FSTL5: variants seen among roughly 807,000 people sequenced by gnomAD.
FSTL5 encodes the protein follistatin-related protein 5.
In FSTL5, 62 loss-of-function variants were observed where a neutral mutation model predicts 89.1. That is an observed-to-expected ratio of 0.70 (90% confidence interval 0.57 to 0.86). FSTL5 has a LOEUF of 0.86. FSTL5 is among the 40% of genes least tolerant of loss of function. FSTL5 has a pLI of 0.00. For missense variants in FSTL5, 1,057 were observed against 1,001.6 expected (o/e 1.06, Z -0.75); for synonymous variants, 383 against 346.2 (o/e 1.11, Z -1.18).
At chr4:161,391,420 A>G (rs1166611443) in intron 15 of FSTL5, among the ~76,000 whole-genome samples, 1 of 152,212 alleles carries the variant, frequency 6.6e-6, no homozygotes, top group East Asian at 1.9e-4. Context: ...CCCTACACAT[A>G]ATTAATAAGT....
At chr4:161,509,065 G>A (rs1438945419) in intron 11 of FSTL5, among the ~76,000 whole-genome samples, 2 of 152,188 alleles carry the variant, frequency 1.3e-5, no homozygotes, top group African/African-American at 2.4e-5. Flanking sequence ...TACTTTGGGA[G>A]GCTGAGGCGG....
intron 4 of FSTL5, among the ~76,000 whole-genome samples, chr4:161,861,700 T>C (rs1289144057): frequency 1.3e-5 from 2 of 152,180 alleles, no homozygotes; most frequent in Non-Finnish European, 2.9e-5. Flanking sequence ...AAGAATTTAC[T>C]GGGCAGGATT....
intron 2 of FSTL5, among the ~76,000 whole-genome samples, chr4:162,049,259 T>C (rs1185933379): frequency 1.3e-5 from 2 of 152,186 alleles, no homozygotes; most frequent in Non-Finnish European, 2.9e-5. Flanking sequence ...ACTCAACATC[T>C]AACTCTAAAG....
chr4:161,749,528 T>C (rs189972098), intron 6 of FSTL5, among the ~76,000 whole-genome samples: 49 of 152,254 alleles, frequency 3.2e-4, no homozygotes, highest in African/African-American at 1.1e-3. Flanking sequence ...CCCGGCGCGG[T>C]GGCTCACGCC....
chr4:161,621,297 CACACACACAA>C, intron 7 of FSTL5, among the ~76,000 whole-genome samples: 1 of 137,706 alleles, frequency 7.3e-6, no homozygotes. Context: ...CACACACACA[CACACACACAA>C]ACACAAAATT....
chr4:162,093,607 T>G (rs1730637532), intron 2 of FSTL5, among the ~76,000 whole-genome samples: 1 of 152,164 alleles, frequency 6.6e-6, no homozygotes, highest in Admixed American at 6.5e-5. Context: ...TTATATAAAA[T>G]AATTAGATGT....
intron 15 of FSTL5, among the ~76,000 whole-genome samples, chr4:161,430,741 A>C (rs958649303): frequency 1.3e-5 from 2 of 152,170 alleles, no homozygotes; most frequent in African/African-American, 4.8e-5. Flanking sequence ...CTCCGTCAGA[A>C]AACAAAAACA....
At chr4:161,607,978 CTTAGGTTATCAAGTA>C (rs1472609387) in intron 7 of FSTL5, among the ~76,000 whole-genome samples, 1 of 152,000 alleles carries the variant, frequency 6.6e-6, no homozygotes, top group Non-Finnish European at 1.5e-5. Context: ...AATGCAAGTA[CTTAGGTTATCAAGTA>C]TTTGAAAATA....
chr4:161,862,761 T>A (rs1033373149), intron 4 of FSTL5, among the ~76,000 whole-genome samples: 3 of 151,916 alleles, frequency 2.0e-5, no homozygotes, highest in Non-Finnish European at 4.4e-5. Context: ...GAGAAAGAAA[T>A]GATAAAGAAC....
intron 8 of FSTL5, among the ~76,000 whole-genome samples, chr4:161,562,648 T>C (rs1398140279): frequency 1.3e-5 from 2 of 151,898 alleles, no homozygotes; most frequent in African/African-American, 4.8e-5. Context: ...ATTGCTAGTG[T>C]ATGCAGATCT....
chr4:161,571,065 C>T (rs1004222402), intron 8 of FSTL5, among the ~76,000 whole-genome samples: 4 of 151,602 alleles, frequency 2.6e-5, no homozygotes, highest in Non-Finnish European at 4.4e-5. Context: ...GCCAAGATCA[C>T]GCCACTGCAT....
chr4:161,533,693 A>T (rs1395003474), intron 10 of FSTL5, among the ~76,000 whole-genome samples: 1 of 152,110 alleles, frequency 6.6e-6, no homozygotes, highest in African/African-American at 2.4e-5. Flanking sequence ...AAAAAAATTG[A>T]GGAGGAGGGC....
intron 6 of FSTL5, among the ~76,000 whole-genome samples, chr4:161,686,777 T>A (rs1238862401): frequency 6.6e-6 from 1 of 152,168 alleles, no homozygotes; most frequent in Non-Finnish European, 1.5e-5. Context: ...GATTTTGTTC[T>A]AAATTGTAAC....
chr4:161,431,554 G>T (rs896575781), intron 15 of FSTL5, among the ~76,000 whole-genome samples: 8 of 151,118 alleles, frequency 5.3e-5, no homozygotes, highest in African/African-American at 1.7e-4. Flanking sequence ...AAAGAAGAAA[G>T]AGAAGACCAC....
intron 4 of FSTL5, 47 bp from the exon 5 acceptor site, chr4:161,776,121 AAT>A: frequency 1.0e-6 from 1 of 956,942 alleles, no homozygotes. Context: ...ATTGAAAAGA[AAT>A]AGTTTATTTA....
At chr4:161,510,876 G>C (rs61693541) in intron 10 of FSTL5, among the ~76,000 whole-genome samples, 22,758 of 151,768 alleles carry the variant, frequency 0.15, 2,180 homozygotes, top group East Asian at 0.37. Flanking sequence ...TGAACAAGAA[G>C]AGTTCTTGTA....
At chr4:161,574,983 A>G (rs1733160956) in intron 8 of FSTL5, among the ~76,000 whole-genome samples, 2 of 152,048 alleles carry the variant, frequency 1.3e-5, no homozygotes, top group African/African-American at 4.8e-5. Context: ...AAGCATTTCT[A>G]TTTCTCCACA....
chr4:161,649,754 T>C (rs1443911638), intron 7 of FSTL5, among the ~76,000 whole-genome samples: 1 of 152,228 alleles, frequency 6.6e-6, no homozygotes, highest in Non-Finnish European at 1.5e-5. Context: ...CCTGCTATGA[T>C]TTTTGTAGTT....
intron 11 of FSTL5, among the ~76,000 whole-genome samples, chr4:161,502,589 C>G (rs1196362566): frequency 6.6e-6 from 1 of 151,802 alleles, no homozygotes; most frequent in East Asian, 1.9e-4. Flanking sequence ...ACTGGTAACT[C>G]AGCTTATGAA....
Sources: allele counts gnomAD v4.1 joint callset (sites outside exome capture counted in the v4.1 genomes callset), GRCh38; gene constraint gnomAD v4.1.1; transcripts MANE v1.5; gene names NCBI Gene and HGNC (gene_info 2026-07-23, HGNC 2026-07-21).